Variants in CRTC3 observed in about 807,000 individuals in gnomAD.
CRTC3 encodes the protein CREB-regulated transcription coactivator 3.
CRTC3 carries 26 observed loss-of-function variants against 74.5 expected under a neutral mutation model. The observed-to-expected ratio is 0.35, with a 90% CI of 0.26 to 0.48. The LOEUF (loss-of-function observed/expected upper bound fraction) is 0.48, where lower values mean the gene tolerates loss of function less well. Ranked by LOEUF, CRTC3 falls within the 20% of genes least tolerant of loss-of-function variation. The pLI, the probability that CRTC3 is intolerant of heterozygous loss-of-function variation, is 0.99. For missense variants in CRTC3, 760 were observed against 787.3 expected (o/e 0.97, Z 0.41); for synonymous variants, 377 against 325.8 (o/e 1.16, Z -1.69).
chr15:90,553,185 T>G (rs187404181), intron 2 of CRTC3, among the ~76,000 whole-genome samples: 1 of 152,252 alleles, frequency 6.6e-6, no homozygotes, highest in African/African-American at 2.4e-5. Flanking sequence ...GACATTTTTC[T>G]GACCTTGTCT....
Position 90,638,664 on chromosome 15 carries a change from C to T in CRTC3, c.1467+18C>T, listed in dbSNP as rs201691468. 14 of 1,613,092 alleles carry T rather than the reference C, an allele frequency of 8.7e-6. No homozygotes were observed. The highest frequency in any genetic ancestry group is 4.4e-5 in the South Asian group (4 of 91,078). ...CGGCCCAGGTGAGTTCTGGCAGGAGCGTTGGTGCAGAGGGAATGCTTGTTT... is the reference window on the plus strand; with the variant it reads ...CGGCCCAGGTGAGTTCTGGCAGGAGTGTTGGTGCAGAGGGAATGCTTGTTT... On this transcript the variant is annotated intron_variant, in intron 12 of 14. Transcript: ENST00000268184.
intron 13 of CRTC3, among the ~76,000 whole-genome samples, chr15:90,640,678 T>TA (rs71463753): frequency 1.7e-3 from 248 of 147,564 alleles, no homozygotes; most frequent in South Asian, 3.2e-3. Flanking sequence ...ACCCTATCTT[T>TA]AAAAAAAAAA....
intron 9 of CRTC3, 55 bp from the exon 10 acceptor site, chr15:90,625,720 GT>G: frequency 6.6e-7 from 1 of 1,505,088 alleles, no homozygotes; most frequent in Admixed American, 1.7e-5. Context: ...GCCATGTTTG[GT>G]TTCCCAACAG....
In CRTC3 at chr15:90,530,004, G is replaced by C; in HGVS notation, c.-68G>C. 8.1e-7 allele frequency: 1 copy of C among 1,237,726 alleles called. No individual in the cohort carries two copies. The highest frequency in any genetic ancestry group is 1.8e-5 in the South Asian group (1 of 54,120). The allele number at this position is 1,237,726 out of a possible 1,614,324, so 76.7% of individuals were successfully genotyped here. On this transcript the variant is annotated 5_prime_UTR_variant, in exon 1 of 15. Transcript: ENST00000268184. This position sits in a 1 kb window ranked among gnomAD's most constrained non-coding sequence, Gnocchi z 6.2. ...CGGCGGCCCCGGCGGCCTGTGGACG[G>C]ACGGGTGGGCCGAGGTACAGGCCCC...
chr15:90,607,676 C>T (rs1968260980), intron 6 of CRTC3, among the ~76,000 whole-genome samples, 198 bp downstream of exon 6: 1 of 152,208 alleles, frequency 6.6e-6, no homozygotes, highest in Non-Finnish European at 1.5e-5. Context: ...CTCTGCCCTG[C>T]TTCCTCCACA....
At chr15:90,599,950 G>C (rs1329635278) in intron 3 of CRTC3, among the ~76,000 whole-genome samples, 20 of 151,910 alleles carry the variant, frequency 1.3e-4, no homozygotes, top group Admixed American at 1.2e-3. Flanking sequence ...CGTAGGTTCT[G>C]AGGCTCGGTG....
chr15:90,617,979 A>G lies in CRTC3; in HGVS notation c.699+11A>G, dbSNP rs1485315492. ...TGGGAGACCAAGGAGGTGGGTGAAC[A>G]GTACTCAGCTATGTTTGTTGTCACT... On this transcript the variant is annotated intron_variant, in intron 8 of 14. Transcript: ENST00000268184. The G allele has an allele frequency of 6.4e-7, 1 of 1,550,852 alleles. No homozygotes were observed. The highest frequency in any genetic ancestry group is 8.9e-7 in the Non-Finnish European group (1 of 1,122,534).
intron 2 of CRTC3, among the ~76,000 whole-genome samples, chr15:90,542,326 G>C (rs529519832): frequency 1.4e-4 from 22 of 152,064 alleles, no homozygotes; most frequent in African/African-American, 3.4e-4. Flanking sequence ...TCATAGGCGT[G>C]CGTCACCACG....
At chr15:90,546,992 A>C (rs993085090) in intron 2 of CRTC3, among the ~76,000 whole-genome samples, 23 of 152,260 alleles carry the variant, frequency 1.5e-4, no homozygotes, top group African/African-American at 5.5e-4. Flanking sequence ...TGACATCTTT[A>C]TAATATGGAG....
intron 2 of CRTC3, among the ~76,000 whole-genome samples, chr15:90,590,939 G>T (rs1273601871): frequency 6.6e-6 from 1 of 152,014 alleles, no homozygotes; most frequent in African/African-American, 2.4e-5. Context: ...CTGTTAAATC[G>T]AAAATAAGAG....
intron 1 of CRTC3, among the ~76,000 whole-genome samples, chr15:90,538,418 A>G (rs1029104289): frequency 1.3e-5 from 2 of 152,210 alleles, no homozygotes; most frequent in African/African-American, 4.8e-5. Context: ...AGTACATTTA[A>G]GAAATCAAAT....
At chr15:90,606,141 A>G (rs1384842899) in intron 5 of CRTC3, among the ~76,000 whole-genome samples, 1 of 152,102 alleles carries the variant, frequency 6.6e-6, no homozygotes, top group Non-Finnish European at 1.5e-5. Flanking sequence ...CTGTAATCCC[A>G]GCTACTTGAG....
Position 90,598,752 on chromosome 15 carries a change from C to G in CRTC3, c.352-3572C>G, listed in dbSNP as rs78021364. ...TATGCACTTGGAGTTCACAAAAGAA[C>G]TGTTGGGAGCTGGAGGTGTCGATTT... On this transcript the variant is annotated intron_variant, in intron 3 of 14. Transcript: ENST00000268184. 1,462 of 543,574 alleles carry G rather than the reference C, an allele frequency of 2.7e-3. 13 individuals are homozygous for G. Among genetic ancestry groups the G allele is most frequent in the African/African-American group, 0.025 (1,297 of 52,568 alleles). 33.7% of individuals were successfully genotyped at this position (543,574 alleles called of 1,614,324 possible). A position where few individuals can be genotyped will look rare whatever the true frequency, so the allele number is the denominator to read the frequency against.
At chr15:90,531,867 A>G (rs1302205683) in intron 1 of CRTC3, among the ~76,000 whole-genome samples, 1 of 152,206 alleles carries the variant, frequency 6.6e-6, no homozygotes, top group African/African-American at 2.4e-5. Flanking sequence ...CTTCTTTAAA[A>G]TATCCCTGAC....
chr15:90,626,219 C>G (rs549411364), intron 10 of CRTC3, among the ~76,000 whole-genome samples: 7 of 152,320 alleles, frequency 4.6e-5, no homozygotes, highest in Non-Finnish European at 1.0e-4. Flanking sequence ...CCTTATCATC[C>G]TCACTCGCTG....
At chr15:90,547,725 G>C (rs775158718) in intron 2 of CRTC3, among the ~76,000 whole-genome samples, 2 of 152,028 alleles carry the variant, frequency 1.3e-5, no homozygotes, top group Non-Finnish European at 2.9e-5. Flanking sequence ...TGAGAGCGAG[G>C]GCTAGGGCTG....
chr15:90,597,134 G>A (rs1193590825), intron 3 of CRTC3, among the ~76,000 whole-genome samples: 3 of 152,342 alleles, frequency 2.0e-5, no homozygotes, highest in East Asian at 3.9e-4. Context: ...ACAGGCGGAG[G>A]AGAGGCACTG....
In CRTC3 at chr15:90,602,182, T is replaced by A; in HGVS notation, c.352-142T>A. ...ATAGACTTGTCCTCAAGGAGGGAGATAAGAGAAAGCATGAAGGAAGAGCTG... is the reference window on the plus strand; with the variant it reads ...ATAGACTTGTCCTCAAGGAGGGAGAAAAGAGAAAGCATGAAGGAAGAGCTG... On this transcript the variant is annotated intron_variant, in intron 3 of 14. Coordinates refer to ENST00000268184, the MANE Select transcript of CRTC3 (RefSeq NM_022769.5). The A allele has an allele frequency of 1.1e-5, 7 of 631,856 alleles. 1 individual carries two copies. In the South Asian group the frequency reaches 1.3e-4, roughly 12 times the overall value. The allele number at this position is 631,856 out of a possible 1,614,324, so 39.1% of individuals were successfully genotyped here. A position where few individuals can be genotyped will look rare whatever the true frequency, so the allele number is the denominator to read the frequency against.
intron 1 of CRTC3, among the ~76,000 whole-genome samples, chr15:90,538,158 T>G (rs1419928007): frequency 6.6e-6 from 1 of 152,222 alleles, no homozygotes; most frequent in Non-Finnish European, 1.5e-5. Flanking sequence ...TATCAGTAAA[T>G]CAATGGATAA....
Sources: allele counts gnomAD v4.1 joint callset (sites outside exome capture counted in the v4.1 genomes callset), GRCh38; gene constraint gnomAD v4.1.1; non-coding constraint Gnocchi (gnomAD v3.1); transcripts MANE v1.5; gene names NCBI Gene and HGNC (gene_info 2026-07-23, HGNC 2026-07-21).